The following SLC24A2 variants were observed in gnomAD, a reference collection of about 807,000 sequenced individuals.
SLC24A2 encodes the protein sodium/potassium/calcium exchanger 2.
In SLC24A2, 36 loss-of-function variants were observed where a neutral mutation model predicts 62.0. The ratio of observed to expected loss-of-function variants is 0.58; its 90% CI spans 0.44 to 0.77. The LOEUF (loss-of-function observed/expected upper bound fraction) is 0.77, where lower values mean the gene tolerates loss of function less well. Ranked by LOEUF, SLC24A2 falls within the 30% of genes least tolerant of loss-of-function variation. SLC24A2 has a pLI of 0.00. For missense variants in SLC24A2, 846 were observed against 817.9 expected (o/e 1.03, Z -0.42); for synonymous variants, 358 against 294.0 (o/e 1.22, Z -2.23).
chr9:20,223,694 T>A, the SLC24A2 span, among the ~76,000 whole-genome samples: 3 of 152,062 alleles, frequency 2.0e-5, no homozygotes, highest in East Asian at 1.9e-4. Flanking sequence ...GAAAAATGGA[T>A]ATATAGTGGA....
chr9:20,054,003 T>C, the SLC24A2 span, among the ~76,000 whole-genome samples: 103 of 152,280 alleles, frequency 6.8e-4, 1 homozygote, highest in East Asian at 0.018. Flanking sequence ...TTGTCCTGAA[T>C]GGAATCCCCA....
intron 2 of SLC24A2, among the ~76,000 whole-genome samples, chr9:19,665,462 T>C (rs1167579936): frequency 6.6e-6 from 1 of 152,148 alleles, no homozygotes; most frequent in Non-Finnish European, 1.5e-5. Flanking sequence ...TTTATCATGA[T>C]TGATCTAAAC....
chr9:19,531,870 T>G (rs1027079603), intron 8 of SLC24A2, among the ~76,000 whole-genome samples: 1 of 152,158 alleles, frequency 6.6e-6, no homozygotes, highest in African/African-American at 2.4e-5. Flanking sequence ...TCTAGTTGTT[T>G]TGAGGACTTC....
chr9:19,677,221 C>G (rs1053453756), intron 2 of SLC24A2, among the ~76,000 whole-genome samples: 2 of 152,152 alleles, frequency 1.3e-5, no homozygotes, highest in African/African-American at 2.4e-5. Context: ...AAATGTAGTA[C>G]GTATACACAA....
At chr9:19,582,818 C>T (rs905532417) in intron 5 of SLC24A2, among the ~76,000 whole-genome samples, 1 of 152,110 alleles carries the variant, frequency 6.6e-6, no homozygotes, top group South Asian at 2.1e-4. Flanking sequence ...TTCTCTCACA[C>T]CCCACATGCC....
the SLC24A2 span, among the ~76,000 whole-genome samples, chr9:20,052,672 C>A: frequency 1.1e-4 from 16 of 152,294 alleles, 1 homozygote; most frequent in African/African-American, 3.6e-4. Context: ...ACCTATTCTC[C>A]AATTGTCATG....
At chr9:20,180,259 A>T in the SLC24A2 span, among the ~76,000 whole-genome samples, 1 of 152,204 alleles carries the variant, frequency 6.6e-6, no homozygotes, top group Non-Finnish European at 1.5e-5. Flanking sequence ...CACCTGATTC[A>T]AGACTTGCTA....
the SLC24A2 span, among the ~76,000 whole-genome samples, chr9:19,869,214 C>T: frequency 6.6e-6 from 1 of 152,172 alleles, no homozygotes; most frequent in East Asian, 1.9e-4. Flanking sequence ...CTCCTAGGCT[C>T]AAGCAGTTCT....
the SLC24A2 span, among the ~76,000 whole-genome samples, chr9:20,253,733 T>C: frequency 6.6e-6 from 1 of 152,078 alleles, no homozygotes; most frequent in African/African-American, 2.4e-5. Flanking sequence ...AGCAGAGAGA[T>C]TAACTGGATT....
chr9:19,919,002 G>A, the SLC24A2 span, among the ~76,000 whole-genome samples: 2 of 152,186 alleles, frequency 1.3e-5, no homozygotes, highest in Non-Finnish European at 2.9e-5. Flanking sequence ...GAAGATAGGA[G>A]GTGAGAAAAT....
chr9:19,627,527 TC>T (rs1388801061), intron 2 of SLC24A2, among the ~76,000 whole-genome samples: 1 of 152,128 alleles, frequency 6.6e-6, no homozygotes, highest in Non-Finnish European at 1.5e-5. Flanking sequence ...AATTTCTTGA[TC>T]ATATACCATT....
the SLC24A2 span, among the ~76,000 whole-genome samples, chr9:20,205,663 AAAAAAAAAAAAC>A: frequency 1.3e-5 from 2 of 151,142 alleles, no homozygotes; most frequent in African/African-American, 2.4e-5. Flanking sequence ...AAAAAAAAAA[AAAAAAAAAAAAC>A]AAACAAAAAA....
the SLC24A2 span, among the ~76,000 whole-genome samples, chr9:19,849,677 G>A: frequency 1.9e-4 from 29 of 152,114 alleles, no homozygotes; most frequent in South Asian, 1.4e-3. Flanking sequence ...CTAGAAATGC[G>A]TCTATTTTTT....
the SLC24A2 span, among the ~76,000 whole-genome samples, chr9:19,850,974 TATATATATATGTATATATATATATATAC>T: frequency 8.5e-5 from 4 of 46,934 alleles, no homozygotes; most frequent in African/African-American, 3.9e-4. Flanking sequence ...TATGTATATA[TATATATATATGTATATATATATATATAC>T]ACATACATAT....
the SLC24A2 span, among the ~76,000 whole-genome samples, chr9:19,812,579 T>C: frequency 6.6e-6 from 1 of 152,328 alleles, no homozygotes; most frequent in Middle Eastern, 3.4e-3. Flanking sequence ...TTCTCTAACA[T>C]ATTAATCTTG....
At chr9:19,890,764 G>T in the SLC24A2 span, among the ~76,000 whole-genome samples, 1 of 152,122 alleles carries the variant, frequency 6.6e-6, no homozygotes, top group Non-Finnish European at 1.5e-5. Flanking sequence ...TCCCGCCTCA[G>T]CCTCCCAAGT....
chr9:20,183,444 A>C, the SLC24A2 span, among the ~76,000 whole-genome samples: 2 of 152,238 alleles, frequency 1.3e-5, no homozygotes, highest in Non-Finnish European at 2.9e-5. Flanking sequence ...CAACTAAACT[A>C]TATTGCTTAC....
chr9:19,823,434 T>C, the SLC24A2 span, among the ~76,000 whole-genome samples: 34 of 152,204 alleles, frequency 2.2e-4, no homozygotes, highest in East Asian at 5.6e-3. Flanking sequence ...AAGAATTTTC[T>C]TACTTAATAA....
the SLC24A2 span, among the ~76,000 whole-genome samples, chr9:19,838,478 C>G: frequency 7.0e-6 from 1 of 142,816 alleles, no homozygotes; most frequent in African/African-American, 2.7e-5. Context: ...CACACACACA[C>G]ACACACACAG....
Sources: gnomAD v4.1 joint callset for allele counts (sites outside exome capture counted in the v4.1 genomes callset) on GRCh38, gnomAD v4.1.1 for gene constraint, MANE v1.5 for transcripts, NCBI Gene and HGNC (gene_info 2026-07-23, HGNC 2026-07-21) for gene names.